Variants in SPDYE14 observed in about 807,000 individuals in gnomAD.
The protein encoded by SPDYE14 is speedy protein E14.
the SPDYE14 span, among the ~76,000 whole-genome samples, chr7:75,279,162 T>TG: frequency 1.3e-4 from 11 of 87,234 alleles, no homozygotes; most frequent in South Asian, 4.0e-4. Context: ...GCTCCGCTCC[T>TG]GGTGACTGTT....
At chr7:75,267,728 T>TTTTC in the SPDYE14 span, among the ~76,000 whole-genome samples, 1 of 112,608 alleles carries the variant, frequency 8.9e-6, no homozygotes, top group Non-Finnish European at 1.9e-5. Flanking sequence ...GTCTGCATGA[T>TTTTC]TTTATTTATT....
the SPDYE14 span, among the ~76,000 whole-genome samples, chr7:75,251,536 G>A: frequency 3.3e-5 from 2 of 60,696 alleles, no homozygotes; most frequent in East Asian, 5.6e-4. Context: ...GTGTGTGTGT[G>A]TGTGTGGTAG....
At chr7:75,271,244 A>C in the SPDYE14 span, among the ~76,000 whole-genome samples, 1 of 47,680 alleles carries the variant, frequency 2.1e-5, no homozygotes, top group African/African-American at 4.9e-5. Flanking sequence ...AAAGCCAGGC[A>C]TGGTGGTGCA....
chr7:75,278,942 C>CAA, the SPDYE14 span, among the ~76,000 whole-genome samples: 33 of 41,396 alleles, frequency 8.0e-4, no homozygotes, highest in Middle Eastern at 0.02. Flanking sequence ...ACTCTGTTTC[C>CAA]AAAAAAAAAA....
chr7:75,265,769 AC>A, the SPDYE14 span, among the ~76,000 whole-genome samples: 2 of 14,544 alleles, frequency 1.4e-4, 1 homozygote, highest in African/African-American at 2.8e-4. Context: ...AAAAAAAAAA[AC>A]CACCAACAAC....
chr7:75,261,040 A>G, the SPDYE14 span, among the ~76,000 whole-genome samples: 1 of 79,312 alleles, frequency 1.3e-5, no homozygotes, highest in African/African-American at 3.0e-5. Flanking sequence ...CAGGAGAATC[A>G]CTTGAACCTG....
At chr7:75,278,495 C>T in the SPDYE14 span, among the ~76,000 whole-genome samples, 34 of 22,092 alleles carry the variant, frequency 1.5e-3, 13 homozygotes, top group Admixed American at 3.2e-3. Context: ...GTGGGGGAAT[C>T]GCTTGAACCT....
At chr7:75,258,230 C>G in the SPDYE14 span, among the ~76,000 whole-genome samples, 2 of 56,838 alleles carry the variant, frequency 3.5e-5, 1 homozygote, top group Non-Finnish European at 8.7e-5. Flanking sequence ...ATGTGCCATG[C>G]TGGTGTGCTA....
At chr7:75,279,884 G>A in the SPDYE14 span, among the ~76,000 whole-genome samples, 8 of 33,490 alleles carry the variant, frequency 2.4e-4, 2 homozygotes, top group African/African-American at 6.3e-4. Context: ...GTGCCTGGCC[G>A]GAACCCACAG....
chr7:75,261,017 G>C, the SPDYE14 span, among the ~76,000 whole-genome samples: 2 of 72,022 alleles, frequency 2.8e-5, no homozygotes, highest in Non-Finnish European at 3.6e-5. Flanking sequence ...CCCAGCTACT[G>C]GGGAGGCTGA....
At chr7:75,277,002 C>CCTGG in the SPDYE14 span, among the ~76,000 whole-genome samples, 35 of 36,304 alleles carry the variant, frequency 9.6e-4, no homozygotes, top group Admixed American at 2.6e-3. Flanking sequence ...TCAACTCCAG[C>CCTGG]CTGGCTGAGC....
chr7:75,275,739 T>TAAAAAAAAAAAAAAAAAAA, the SPDYE14 span, among the ~76,000 whole-genome samples: 4 of 14,542 alleles, frequency 2.8e-4, no homozygotes, highest in African/African-American at 3.3e-4. Context: ...AAAAATAAAT[T>TAAAAAAAAAAAAAAAAAAA]AAAAAAAAAA....
At chr7:75,241,783 C>T in the SPDYE14 span, among the ~76,000 whole-genome samples, 1 of 13,962 alleles carries the variant, frequency 7.2e-5, no homozygotes, top group Non-Finnish European at 1.7e-4. Context: ...CAACTTCTGC[C>T]TCTTGGGTTT....
At chr7:75,261,493 T>C in the SPDYE14 span, among the ~76,000 whole-genome samples, 32 of 84,428 alleles carry the variant, frequency 3.8e-4, no homozygotes, top group Non-Finnish European at 7.0e-4. Flanking sequence ...GACAGTGTCT[T>C]GCTCTGTCAC....
chr7:75,265,245 G>A, the SPDYE14 span, among the ~76,000 whole-genome samples: 655 of 98,316 alleles, frequency 6.7e-3, 7 homozygotes, highest in Non-Finnish European at 0.01. Context: ...GATTACAAGC[G>A]CACACCACCA....
the SPDYE14 span, among the ~76,000 whole-genome samples, chr7:75,271,889 G>A: frequency 2.6e-4 from 1 of 3,882 alleles, no homozygotes; most frequent in African/African-American, 4.4e-4. Flanking sequence ...TTTTTTTTTT[G>A]AGACAGAATC....
chr7:75,268,731 C>CA, the SPDYE14 span, among the ~76,000 whole-genome samples: 4 of 63,944 alleles, frequency 6.3e-5, no homozygotes, highest in Non-Finnish European at 1.4e-4. Context: ...AACAAAAAAA[C>CA]AAAAAAACCC....
the SPDYE14 span, among the ~76,000 whole-genome samples, chr7:75,279,452 A>AT: frequency 0.023 from 2,100 of 92,714 alleles, 2 homozygotes; most frequent in East Asian, 0.076. Flanking sequence ...ACACCCAGCT[A>AT]TTTTTTTTTT....
chr7:75,300,303 G>T, the SPDYE14 span, among the ~76,000 whole-genome samples: 4 of 202 alleles, frequency 0.02, no homozygotes, highest in Non-Finnish European at 0.059. Context: ...TACTTGGGAG[G>T]CTGAGGCAGA....
Sources: allele counts gnomAD v4.1 joint callset (sites outside exome capture counted in the v4.1 genomes callset), GRCh38; gene constraint gnomAD v4.1.1; transcripts MANE v1.5; gene names NCBI Gene and HGNC (gene_info 2026-07-23, HGNC 2026-07-21).